The following POLG2 variants were observed in gnomAD, a reference collection of about 807,000 sequenced individuals.
POLG2 encodes DNA polymerase subunit gamma-2.
Under a neutral mutation model 56.5 loss-of-function variants are expected in POLG2, and 50 were observed. The ratio of observed to expected loss-of-function variants is 0.88; its 90% CI spans 0.71 to 1.12. POLG2 has a LOEUF of 1.12. Among genes scored for constraint, POLG2 ranks in the 50% most tolerant of loss-of-function variants. The pLI, the probability that POLG2 is intolerant of heterozygous loss-of-function variation, is 0.00. For synonymous variants in POLG2, 226 were observed against 222.6 expected (o/e 1.02, Z -0.14); for missense variants, 584 against 583.3 (o/e 1.00, Z -0.01).
At position 64,496,759 on chromosome 17, in the gene POLG2, T is replaced by G. The variant is rs1555669617; in HGVS notation, c.210A>C (p.Leu70Phe). The G allele has an allele frequency of 3.7e-6, 6 of 1,613,962 alleles. No individual in the cohort carries two copies. Among genetic ancestry groups the G allele is most frequent in the Middle Eastern group, 3.3e-4 (2 of 6,062 alleles). ...PGSGEGSEAL[L>F]EICQRRHFLS... ...GGAAATGCCTTCTCTGACAGATCTC[T>G]AACAGCGCCTCGCTTCCCTCTCCAG... is the stretch of plus-strand genomic sequence containing the variant. The change falls in exon 1 of 8, where the codon TTA becomes TTC. Residue 70 changes from leucine (L) to phenylalanine (F), a missense_variant. Coordinates refer to ENST00000539111, the MANE Select transcript of POLG2 (RefSeq NM_007215.4).
chr17:64,490,724 T>C (rs2038043360), intron 4 of POLG2, 72 bp downstream of exon 4: 3 of 1,240,666 alleles, frequency 2.4e-6, no homozygotes, highest in South Asian at 2.4e-5. Flanking sequence ...TTGCACCTTA[T>C]TCTCAAATGG....
At chr17:64,491,727 C>T (rs1555668510) in intron 3 of POLG2, 1 of 841,746 alleles carries the variant, frequency 1.2e-6, no homozygotes, top group African/African-American at 1.7e-5. Flanking sequence ...AGGGTACATG[C>T]TCTTCATCTA....
At chr17:64,490,712 G>C in intron 4 of POLG2, 84 bp downstream of exon 4, 1 of 1,058,148 alleles carries the variant, frequency 9.5e-7, no homozygotes. Context: ...AAGACACCAC[G>C]TTTGCACCTT....
In POLG2 at chr17:64,477,789, G is replaced by A. The variant is rs1555665766; in HGVS notation, c.*34C>T. On this transcript the variant is annotated 3_prime_UTR_variant, in exon 8 of 8. Transcript: ENST00000539111. ...AGTGAACATAAGACAACCAAATTAGGAGAGAAGAATATTTATTATACAAAT... is the reference window on the plus strand; with the variant it reads ...AGTGAACATAAGACAACCAAATTAGAAGAGAAGAATATTTATTATACAAAT... 1 of 1,527,686 alleles carries A rather than the reference G, an allele frequency of 6.5e-7. No homozygotes were observed. The highest frequency in any genetic ancestry group is 2.0e-5 in the Admixed American group (1 of 49,876). The allele number at this position is 1,527,686 out of a possible 1,614,324, so 94.6% of individuals were successfully genotyped here.
chr17:64,490,704 G>C (rs1452585442), intron 4 of POLG2, 92 bp downstream of exon 4: 25 of 946,296 alleles, frequency 2.6e-5, no homozygotes, highest in Non-Finnish European at 4.1e-5. Context: ...GAAGTGTTAA[G>C]ACACCACGTT....
intron 5 of POLG2, among the ~76,000 whole-genome samples, chr17:64,484,721 C>T (rs1466886627): frequency 2.6e-5 from 4 of 152,064 alleles, no homozygotes; most frequent in Non-Finnish European, 5.9e-5. Flanking sequence ...AGCTACAAAC[C>T]ATTTATAAAC....
intron 4 of POLG2, among the ~76,000 whole-genome samples, chr17:64,489,590 G>A (rs782697281): frequency 6.6e-6 from 1 of 151,762 alleles, no homozygotes; most frequent in African/African-American, 2.4e-5. Context: ...GCTAGACCCC[G>A]TCTCTACAAA....
chr17:64,496,849 T>A lies in POLG2; in HGVS notation c.120A>T (p.Lys40Asn). 1 of 1,613,826 alleles carries A rather than the reference T, an allele frequency of 6.2e-7. No individual in the cohort carries two copies. Among genetic ancestry groups the A allele is most frequent in the Non-Finnish European group, 8.5e-7 (1 of 1,180,022 alleles). ...CCGCGTGCGACTTCACATGCCCTCC[T>A]TTGGGGCTACTCCTTTCCGTCAACA... ...PELLTERSSP[K>N]GGHVKSHAEL... Residue 40 changes from lysine to asparagine, a missense_variant, in exon 1 of 8, where the codon AAA (lysine) becomes AAT (asparagine). Coordinates refer to ENST00000539111, the MANE Select transcript of POLG2 (RefSeq NM_007215.4).
intron 6 of POLG2, chr17:64,481,171 A>G (rs1555666424): frequency 3.5e-6 from 2 of 574,688 alleles, no homozygotes; most frequent in African/African-American, 2.0e-5. Flanking sequence ...CTCTCCAGAC[A>G]TTACTAAATG....
At chr17:64,489,040 T>C (rs2038008845) in intron 4 of POLG2, among the ~76,000 whole-genome samples, 5 of 150,942 alleles carry the variant, frequency 3.3e-5, no homozygotes, top group Non-Finnish European at 7.4e-5. Context: ...TTTTTTTTTT[T>C]TTTGAGACAT....
Position 64,496,813 on chromosome 17 carries a change from C to T in POLG2, c.156G>A (p.Gly52=), listed in dbSNP as rs782664223. Residue 52 remains glycine (G), a synonymous_variant, in exon 1 of 8, where the codon GGG becomes GGA. Transcript: ENST00000539111. ...GHVKSHAELE[G]NGEHPEAPGS... ...CGGGGGCTTCTGGGTGCTCGCCGTT[C>T]CCCTCGAGCTCCGCGTGCGACTTCA... 4 of 1,613,688 alleles carry T rather than the reference C, an allele frequency of 2.5e-6. No individual in the cohort carries two copies. The highest frequency in any genetic ancestry group is 2.5e-6 in the Non-Finnish European group (3 of 1,180,018).
intron 3 of POLG2, 136 bp downstream of exon 3, chr17:64,492,531 A>T: frequency 1.6e-6 from 1 of 642,006 alleles, no homozygotes. Flanking sequence ...ATTGTTACAA[A>T]GAGTTTTTGT....
At position 64,492,890 on chromosome 17, in the gene POLG2, T is replaced by C; in HGVS notation, c.689+5A>G. 1 of 1,614,134 alleles carries C rather than the reference T, an allele frequency of 6.2e-7. No individual in the cohort carries two copies. The highest frequency in any genetic ancestry group is 8.5e-7 in the Non-Finnish European group (1 of 1,179,964). On this transcript the variant is annotated splice_donor_5th_base_variant and intron_variant, in intron 2 of 7. Transcript: ENST00000539111. ...CAAGGCCAAGTTATTTGCCACTTTT[T>C]ATACCTTTTAACACCATTTCGTATC...
In POLG2 at chr17:64,480,297, A is replaced by T; in HGVS notation, c.1284T>A (p.Leu428=). 1 of 1,510,874 alleles carries T rather than the reference A, an allele frequency of 6.6e-7. No homozygotes were observed. The highest frequency in any genetic ancestry group is 9.2e-7 in the Non-Finnish European group (1 of 1,090,570). 93.6% of individuals were successfully genotyped at this position (1,510,874 alleles called of 1,614,324 possible). ...GAAAATACAATTCTTACTTCGAATA[A>T]AGTTGTTCCAATGAGGACTGCATAG... ...LETMQSSLEQ[L]YSKYDEMSIL... The change falls in exon 7 of 8, where the codon CTT becomes CTA. Residue 428 remains leucine (L), a synonymous_variant. Coordinates refer to ENST00000539111, the MANE Select transcript of POLG2 (RefSeq NM_007215.4).
At chr17:64,496,311 G>A in intron 1 of POLG2, 96 bp downstream of exon 1, 1 of 757,276 alleles carries the variant, frequency 1.3e-6, no homozygotes, top group Non-Finnish European at 2.3e-6. Flanking sequence ...TTCCTTGCAT[G>A]GGAATACAGG....
rs782410818 is a variant in POLG2, at chr17:64,477,791, GA to G, written c.*31del. 21 of 1,530,606 alleles carry G rather than the reference GA, an allele frequency of 1.4e-5. No homozygotes were observed. The Admixed American group carries it at 1.6e-4, about 12-fold the overall frequency. 94.8% of individuals were successfully genotyped at this position (1,530,606 alleles called of 1,614,324 possible). ...TGAACATAAGACAACCAAATTAGGA[GA>G]GAAGAATATTTATTATACAAATATA... On this transcript the variant is annotated 3_prime_UTR_variant, in exon 8 of 8. Coordinates refer to ENST00000539111, the MANE Select transcript of POLG2 (RefSeq NM_007215.4).
chr17:64,494,741 G>C (rs1024052459), intron 1 of POLG2, among the ~76,000 whole-genome samples: 1 of 152,044 alleles, frequency 6.6e-6, no homozygotes, highest in African/African-American at 2.4e-5. Flanking sequence ...CAGCATCTGT[G>C]ACCTTTTTAT....
intron 5 of POLG2, among the ~76,000 whole-genome samples, chr17:64,483,445 T>C (rs1555666897): frequency 6.7e-6 from 1 of 150,220 alleles, no homozygotes; most frequent in African/African-American, 2.5e-5. Context: ...ACCCGGGAGG[T>C]CAAGGCTGCA....
At chr17:64,496,381 T>G (rs782621253) in intron 1 of POLG2, 26 bp downstream of exon 1, 1 of 1,495,094 alleles carries the variant, frequency 6.7e-7, no homozygotes, top group South Asian at 1.2e-5. Context: ...GACACCTGTT[T>G]TGAAGCATGA....
Sources: gnomAD v4.1 joint callset for allele counts (sites outside exome capture counted in the v4.1 genomes callset) on GRCh38, gnomAD v4.1.1 for gene constraint, MANE v1.5 for transcripts, NCBI Gene and HGNC (gene_info 2026-07-23, HGNC 2026-07-21) for gene names.